Variants in SUPT6H observed in about 807,000 individuals in gnomAD.
SUPT6H encodes the protein transcription elongation factor SPT6.
Under a neutral mutation model 222.3 loss-of-function variants are expected in SUPT6H, and 11 were observed. That is an observed-to-expected ratio of 0.05 (90% CI 0.03 to 0.08). The LOEUF (loss-of-function observed/expected upper bound fraction) is 0.08. Ranked by LOEUF, SUPT6H falls within the 10% of genes least tolerant of loss-of-function variation. The pLI is 1.00. For synonymous variants in SUPT6H, 762 were observed against 801.2 expected, an observed-to-expected ratio of 0.95 and a Z score of 0.83; for missense variants, 1,422 against 2,216.0, an observed-to-expected ratio of 0.64 and a Z score of 7.19.
chr17:28,663,377 T>G (rs949802412), intron 1 of SUPT6H, among the ~76,000 whole-genome samples: 1 of 152,216 alleles, frequency 6.6e-6, no homozygotes, highest in Non-Finnish European at 1.5e-5. Flanking sequence ...TGGATTAGCA[T>G]AGCCTTGCAA....
rs1311652750 is a variant in SUPT6H, at chr17:28,684,877, T to C, written c.2403T>C (p.Gly801=). The part of the protein sequence containing the change: ...DHPVFCALVN[G]EGEVTDFLRL... ...CTGTGTTCTGCGCCCTGGTCAATGGTGAAGGAGAAGTGACAGACTTCCTTC... is the reference window on the plus strand; with the variant it reads ...CTGTGTTCTGCGCCCTGGTCAATGGCGAAGGAGAAGTGACAGACTTCCTTC... The change falls in exon 19 of 37, where the codon GGT becomes GGC. Residue 801 remains glycine (G), a synonymous_variant. Transcript: ENST00000314616. 6.2e-7 allele frequency: 1 copy of C among 1,614,110 alleles called. No homozygotes were observed. The highest frequency in any genetic ancestry group is 8.5e-7 in the Non-Finnish European group (1 of 1,180,048).
intron 2 of SUPT6H, chr17:28,673,723 C>T (rs1176156442): frequency 7.5e-6 from 4 of 533,980 alleles, no homozygotes; most frequent in African/African-American, 3.8e-5. Flanking sequence ...CAATAAATAT[C>T]CAGCTATTGT....
At chr17:28,663,669 G>A (rs992379945) in intron 1 of SUPT6H, among the ~76,000 whole-genome samples, 1 of 151,702 alleles carries the variant, frequency 6.6e-6, no homozygotes, top group Non-Finnish European at 1.5e-5. Flanking sequence ...GTTCCCATCA[G>A]CATACAAATT....
intron 1 of SUPT6H, 26 bp from the exon 2 acceptor site, chr17:28,673,345 T>C: frequency 1.4e-6 from 2 of 1,445,528 alleles, no homozygotes; most frequent in African/African-American, 1.4e-5. Flanking sequence ...TCCGTTTTTT[T>C]ATCCTTCACT....
chr17:28,686,967 T>G, intron 21 of SUPT6H, 121 bp from the exon 22 acceptor site: 14 of 1,506,650 alleles, frequency 9.3e-6, no homozygotes, highest in Non-Finnish European at 1.2e-5. Context: ...ATTAAATCGG[T>G]CTCAGGAAAA....
Position 28,693,818 on chromosome 17 carries a change from G to T in SUPT6H, c.3756G>T (p.Arg1252=), listed in dbSNP as rs1567702482. 3.1e-6 allele frequency: 5 copies of T among 1,614,186 alleles called. No homozygotes were observed. The highest frequency in any genetic ancestry group is 3.3e-5 in the Admixed American group (2 of 60,028). The change falls in exon 28 of 37, where the codon CGG becomes CGT. Residue 1252 remains arginine, a synonymous_variant. Coordinates refer to ENST00000314616, the MANE Select transcript of SUPT6H (RefSeq NM_003170.5). ...TCCTCAGTGACAAAGTGGTAAAGCG[G>T]CCAGAAGAACGAGTGAAGGTAGAGG... is the stretch of plus-strand genomic sequence containing the variant. ...TKFLSDKVVK[R]PEERVKVGMT... is the part of the protein sequence containing the mutation.
rs370787233 is a variant in SUPT6H, at chr17:28,693,852, T to C, written c.3774+16T>C. The stretch of plus-strand genomic sequence containing the variant: ...ACGAGTGAAGGTAGAGGACTGATTG[T>C]CCTAAGGTCGTAGTGCAATTTTCAG... On this transcript the variant is annotated intron_variant, in intron 28 of 36. Coordinates refer to ENST00000314616, the MANE Select transcript of SUPT6H (RefSeq NM_003170.5). The C allele has an allele frequency of 1.9e-6, 3 of 1,613,994 alleles. No individual in the cohort carries two copies. In the African/African-American group the frequency reaches 4.0e-5, roughly 22 times the overall value.
intron 19 of SUPT6H, among the ~76,000 whole-genome samples, chr17:28,685,594 A>G (rs1410376371): frequency 6.6e-6 from 1 of 151,776 alleles, no homozygotes; most frequent in Non-Finnish European, 1.5e-5. Context: ...GGCTCAAGTG[A>G]TCCTCCTGCC....
At position 28,684,508 on chromosome 17, in the gene SUPT6H, G is replaced by T. The variant is rs554049500; in HGVS notation, c.2230-78G>T. 7.2e-5 allele frequency: 113 copies of T among 1,569,184 alleles called. No individual in the cohort carries two copies. The African/African-American group carries it at 1.4e-3, about 19-fold the overall frequency. ...CCCTCGCACATGTGTGTATGAGTGT[G>T]TTTCCATAGCACTCTTGGTGAGCCT... On this transcript the variant is annotated intron_variant, in intron 17 of 36. Coordinates refer to ENST00000314616, the MANE Select transcript of SUPT6H (RefSeq NM_003170.5).
In SUPT6H at chr17:28,681,904, TGAG is replaced by T. The variant is rs1567694064; in HGVS notation, c.1525_1527del (p.Glu509del). ...CAGGTGAAGGTGACGAGGCAGAAGA[TGAG>T]GAGCAGAGGGGGCCTGAGCTCAAGC... On this transcript the variant is annotated inframe_deletion, in exon 13 of 37. Coordinates refer to ENST00000314616, the MANE Select transcript of SUPT6H (RefSeq NM_003170.5). 5 of 1,610,034 alleles carry T rather than the reference TGAG, an allele frequency of 3.1e-6. No homozygotes were observed. The highest frequency in any genetic ancestry group is 4.5e-5 in the East Asian group (2 of 44,784).
intron 17 of SUPT6H, 133 bp downstream of exon 17, chr17:28,683,949 C>T: frequency 8.2e-6 from 6 of 731,812 alleles, no homozygotes; most frequent in Non-Finnish European, 1.2e-5. Context: ...CATTCTCCTG[C>T]CTCAGCCTCC....
chr17:28,695,995 T>C (rs1270260254), intron 29 of SUPT6H, among the ~76,000 whole-genome samples: 1 of 151,996 alleles, frequency 6.6e-6, no homozygotes, highest in Non-Finnish European at 1.5e-5. Context: ...AGACACCATC[T>C]CTACAAAAAA....
rs1435908596 is a variant in SUPT6H, at chr17:28,678,643, GATC to G, written c.1206+10_1206+12del. On this transcript the variant is annotated intron_variant, in intron 10 of 36. Transcript: ENST00000314616. ...GGCAGTGGGATGAAAAGGTAATGTAGATCCGTGGCCCCCAAGAGGTGTGGGCCA... is the reference window on the plus strand; with the variant it reads ...GGCAGTGGGATGAAAAGGTAATGTAGCGTGGCCCCCAAGAGGTGTGGGCCA... The G allele has an allele frequency of 1.2e-6, 2 of 1,613,868 alleles. No individual in the cohort carries two copies. Among genetic ancestry groups the G allele is most frequent in the Non-Finnish European group, 1.7e-6 (2 of 1,179,986 alleles).
At chr17:28,687,539 C>T in intron 23 of SUPT6H, 68 bp downstream of exon 23, 1 of 1,513,974 alleles carries the variant, frequency 6.6e-7, no homozygotes, top group Non-Finnish European at 8.9e-7. Flanking sequence ...TATACTTTGT[C>T]AGTATAATTT....
chr17:28,666,340 C>T (rs1441266464), intron 1 of SUPT6H, among the ~76,000 whole-genome samples: 1 of 152,184 alleles, frequency 6.6e-6, no homozygotes, highest in Non-Finnish European at 1.5e-5. Context: ...GCTACAGTGG[C>T]AGATTTGGCC....
At chr17:28,700,040 A>G in intron 33 of SUPT6H, 133 bp from the exon 34 acceptor site, 1 of 1,422,476 alleles carries the variant, frequency 7.0e-7, no homozygotes, top group Non-Finnish European at 9.9e-7. Flanking sequence ...AGCACCAGGA[A>G]GGTTCTCCAT....
intron 27 of SUPT6H, 116 bp from the exon 28 acceptor site, chr17:28,693,580 A>T (rs2151655748): frequency 8.0e-7 from 1 of 1,255,096 alleles, no homozygotes; most frequent in Middle Eastern, 2.2e-4. Flanking sequence ...GTGTTTTCAG[A>T]TCATGGTGCA....
intron 32 of SUPT6H, 34 bp from the exon 33 acceptor site, chr17:28,699,747 G>A (rs772435386): frequency 1.9e-6 from 3 of 1,580,230 alleles, no homozygotes; most frequent in Admixed American, 1.7e-5. Flanking sequence ...GGTCCCAAGT[G>A]GTTTCTGATG....
At position 28,700,465 on chromosome 17, in the gene SUPT6H, A is replaced by T. The variant is rs1327580387; in HGVS notation, c.4759A>T (p.Ser1587Cys). The T allele has an allele frequency of 6.2e-7, 1 of 1,614,218 alleles. No individual in the cohort carries two copies. The highest frequency in any genetic ancestry group is 1.1e-5 in the South Asian group (1 of 91,088). ...PNATPAQWAS[S>C]QYGYGGSGGG... ...TGCCACCCCAGCCCAGTGGGCCTCC[A>T]GCCAGTACGGCTATGGCGGCAGTGG... The change falls in exon 35 of 37, where the codon AGC (serine) becomes TGC (cysteine). Residue 1587 changes from serine to cysteine, a missense_variant. By Grantham distance (112) the Ser-to-Cys change is moderately radical (BLOSUM62 -1). Coordinates refer to ENST00000314616, the MANE Select transcript of SUPT6H (RefSeq NM_003170.5).
Sources: gnomAD v4.1 joint callset for allele counts (sites outside exome capture counted in the v4.1 genomes callset) on GRCh38, gnomAD v4.1.1 for gene constraint, MANE v1.5 for transcripts, NCBI Gene and HGNC (gene_info 2026-07-23, HGNC 2026-07-21) for gene names.